The following NAE1 variants were observed in gnomAD, a reference collection of about 807,000 sequenced individuals.
The protein encoded by NAE1 is NEDD8 activating enzyme E1 subunit 1.
NAE1 carries 59 observed loss-of-function variants against 88.0 expected under a neutral mutation model. That is an observed-to-expected ratio of 0.67 (90% CI 0.54 to 0.83). NAE1 has a LOEUF of 0.83. NAE1 is among the 40% of genes least tolerant of loss of function. NAE1 has a pLI of 0.00. For synonymous variants in NAE1, 186 were observed against 208.9 expected (o/e 0.89, Z 0.95); for missense variants, 554 against 632.8 (o/e 0.88, Z 1.34).
chr16:66,830,538 C>T (rs950577385), intron 1 of NAE1, among the ~76,000 whole-genome samples: 5 of 152,196 alleles, frequency 3.3e-5, no homozygotes, highest in African/African-American at 1.2e-4. Flanking sequence ...GCGCCCCGGG[C>T]CTCCCCATTC....
intron 9 of NAE1, 161 bp from the exon 10 acceptor site, chr16:66,817,189 T>A: frequency 9.8e-7 from 1 of 1,018,134 alleles, no homozygotes; most frequent in Non-Finnish European, 1.4e-6. Context: ...CTGTGACCAT[T>A]TATCTACATT....
At chr16:66,824,391 G>C (rs1044110780) in intron 4 of NAE1, 2 of 152,560 alleles carry the variant, frequency 1.3e-5, no homozygotes, top group African/African-American at 4.8e-5. Flanking sequence ...AGGAGATCGA[G>C]ACCATCCTGG....
At chr16:66,819,132 A>C (rs1960159377) in intron 7 of NAE1, among the ~76,000 whole-genome samples, 1 of 152,232 alleles carries the variant, frequency 6.6e-6, no homozygotes, top group African/African-American at 2.4e-5. Context: ...TCAACTATAA[A>C]GTTTTAGTAA....
At chr16:66,829,810 T>C (rs967986216) in intron 1 of NAE1, among the ~76,000 whole-genome samples, 2 of 152,254 alleles carry the variant, frequency 1.3e-5, no homozygotes, top group Non-Finnish European at 2.9e-5. Flanking sequence ...TAGCCACATG[T>C]ACTACTGAGC....
At chr16:66,812,401 ATTAAGT>A (rs980452508) in intron 13 of NAE1, among the ~76,000 whole-genome samples, 23 of 151,884 alleles carry the variant, frequency 1.5e-4, no homozygotes, top group East Asian at 1.2e-3. Flanking sequence ...GGGATCAAAT[ATTAAGT>A]TTATCATGAA....
In NAE1 at chr16:66,818,621, T is replaced by C. The variant is rs1348082490; in HGVS notation, c.528A>G (p.Pro176=). The change falls in exon 8 of 20, where the codon CCA becomes CCG. Residue 176 remains proline, a synonymous_variant. Transcript: ENST00000290810. ...IKEHPVIESH[P]DNALEDLRLD... ...GTCGTAGATCCTCTAATGCATTATCTGGATGAGATTCTATTACTGTGAAAC... is the reference window on the plus strand; with the variant it reads ...GTCGTAGATCCTCTAATGCATTATCCGGATGAGATTCTATTACTGTGAAAC... 3 of 1,607,178 alleles carry C rather than the reference T, an allele frequency of 1.9e-6. No individual in the cohort carries two copies. The highest frequency in any genetic ancestry group is 2.5e-6 in the Non-Finnish European group (3 of 1,178,294).
At chr16:66,818,375 T>A (rs908148811) in intron 8 of NAE1, among the ~76,000 whole-genome samples, 153 bp downstream of exon 8, 2 of 152,190 alleles carry the variant, frequency 1.3e-5, no homozygotes, top group African/African-American at 4.8e-5. Context: ...AATTAATATG[T>A]TGAAAACAAG....
intron 13 of NAE1, 85 bp downstream of exon 13, chr16:66,813,479 A>C: frequency 6.9e-7 from 1 of 1,455,538 alleles, no homozygotes; most frequent in Non-Finnish European, 9.3e-7. Context: ...ATAAACTTTC[A>C]TTTGATTTCT....
At chr16:66,812,077 A>G (rs1174397056) in intron 13 of NAE1, among the ~76,000 whole-genome samples, 1 of 152,224 alleles carries the variant, frequency 6.6e-6, no homozygotes, top group Non-Finnish European at 1.5e-5. Context: ...ATGTCTAGCT[A>G]TAGTCATAGA....
intron 1 of NAE1, among the ~76,000 whole-genome samples, chr16:66,829,637 G>C (rs921085837): frequency 6.6e-6 from 1 of 152,178 alleles, no homozygotes; most frequent in Non-Finnish European, 1.5e-5. Flanking sequence ...AGAGGCTCCA[G>C]GAAGGAGGAA....
rs374115525 is a variant in NAE1 at position 66,825,666 on chromosome 16, T to C, written c.219-781A>G. On this transcript the variant is annotated intron_variant, in intron 3 of 19. Coordinates refer to ENST00000290810, the MANE Select transcript of NAE1 (RefSeq NM_003905.4). The stretch of plus-strand genomic sequence containing the variant: ...TGTTCCACAGACCACTCTCGGTGTA[T>C]TGAACCATTTGTTTTTGCACGTAAC... Among the ~76,000 whole-genome samples the C allele has an allele frequency of 1.2e-4, 19 of 152,130 alleles. 1 individual carries two copies. Among genetic ancestry groups the C allele is most frequent in the East Asian group, 5.8e-4 (3 of 5,198 alleles).
At chr16:66,830,699 G>A (rs912555466) in intron 1 of NAE1, 148 bp downstream of exon 1, 3 of 678,884 alleles carry the variant, frequency 4.4e-6, no homozygotes, top group Non-Finnish European at 6.8e-6. Context: ...CGGGAGCTCC[G>A]AGCGCCGGCT....
intron 13 of NAE1, 36 bp downstream of exon 13, chr16:66,813,528 C>CTT (rs758400125): frequency 6.4e-7 from 1 of 1,569,704 alleles, no homozygotes; most frequent in Non-Finnish European, 8.7e-7. Flanking sequence ...TATAATCAGA[C>CTT]TTTTTCTATT....
At chr16:66,829,144 C>CT (rs1960593232) in intron 1 of NAE1, among the ~76,000 whole-genome samples, 2 of 152,192 alleles carry the variant, frequency 1.3e-5, no homozygotes, top group African/African-American at 4.8e-5. Flanking sequence ...AACTGCTTCC[C>CT]TTTGACACTT....
At chr16:66,829,002 A>C (rs1010641097) in intron 1 of NAE1, among the ~76,000 whole-genome samples, 1 of 152,130 alleles carries the variant, frequency 6.6e-6, no homozygotes, top group African/African-American at 2.4e-5. Flanking sequence ...AAAAAAAAAA[A>C]AAAAGAATCC....
In NAE1 at chr16:66,817,021, C is replaced by T; in HGVS notation, c.692G>A (p.Gly231Glu). ...YLAQWYSETN[G>E]RIPKTYKEKE... ...TTCTTTATACGTTTTAGGTATTCGT[C>T]CATTTGTCTAAATTGGTTAAAAATT... Residue 231 changes from glycine to glutamate, a missense_variant, in exon 10 of 20, where the codon GGA becomes GAA. Gly to Glu is a moderately conservative substitution (Grantham distance 98). Coordinates refer to ENST00000290810, the MANE Select transcript of NAE1 (RefSeq NM_003905.4). 1 of 1,592,616 alleles carries T rather than the reference C, an allele frequency of 6.3e-7. No individual in the cohort carries two copies. Among genetic ancestry groups the T allele is most frequent in the Non-Finnish European group, 8.5e-7 (1 of 1,174,510 alleles).
Position 66,817,418 on chromosome 16 carries a change from G to T in NAE1, c.684+7C>A, listed in dbSNP as rs200008912. On this transcript the variant is annotated splice_region_variant and intron_variant, in intron 9 of 19. Transcript: ENST00000290810. ...GCATATGAAATTTTTTTTAAAAAAGGACATACTTCACTATACCACTGTGCT... is the reference window on the plus strand; with the variant it reads ...GCATATGAAATTTTTTTTAAAAAAGTACATACTTCACTATACCACTGTGCT... The T allele has an allele frequency of 9.5e-5, 152 of 1,594,676 alleles. 2 individuals carry two copies. The South Asian group carries it at 1.0e-3, about 11-fold the overall frequency.
chr16:66,820,571 A>G (rs1960209955), intron 7 of NAE1, among the ~76,000 whole-genome samples: 2 of 152,062 alleles, frequency 1.3e-5, no homozygotes, highest in African/African-American at 4.8e-5. Context: ...CAGCCTGGCC[A>G]ACATGGTGAA....
In NAE1 at chr16:66,823,303, G is replaced by A. The variant is rs1402100096; in HGVS notation, c.325C>T (p.Pro109Ser). ...DVSGSFVEES[P>S]ENLLDNDPSF... is the part of the protein sequence containing the mutation. ...GGATCATTGTCTAGAAGGTTTTCTGGACTCTAAACAGGACAGCAAAGAAAA... is the reference window on the plus strand; with the variant it reads ...GGATCATTGTCTAGAAGGTTTTCTGAACTCTAAACAGGACAGCAAAGAAAA... The change falls in exon 6 of 20, where the codon CCA becomes TCA. Residue 109 changes from proline to serine, a missense_variant. Pro to Ser is a moderately conservative substitution (Grantham distance 74). Transcript: ENST00000290810. 1 of 1,595,492 alleles carries A rather than the reference G, an allele frequency of 6.3e-7. No homozygotes were observed. Among genetic ancestry groups the A allele is most frequent in the Non-Finnish European group, 8.5e-7 (1 of 1,172,900 alleles).
Sources: allele counts gnomAD v4.1 joint callset (sites outside exome capture counted in the v4.1 genomes callset), GRCh38; gene constraint gnomAD v4.1.1; transcripts MANE v1.5; gene names NCBI Gene and HGNC (gene_info 2026-07-23, HGNC 2026-07-21).